Variants in IREB2 observed in about 807,000 individuals in gnomAD.
IREB2 encodes the protein iron responsive element binding protein 2.
A neutral mutation model predicts 118.8 loss-of-function variants in IREB2; 39 were observed. The observed-to-expected ratio is 0.33, with a 90% confidence interval of 0.25 to 0.43. IREB2 has a LOEUF of 0.43. Among genes scored for constraint, IREB2 ranks in the 20% least tolerant of loss-of-function variants. The pLI, the probability that IREB2 is intolerant of heterozygous loss-of-function variation, is 1.00. For synonymous variants in IREB2, 372 were observed against 392.2 expected, an observed-to-expected ratio of 0.95 and a Z score of 0.61; for missense variants, 900 against 1,147.3, an observed-to-expected ratio of 0.78 and a Z score of 3.11.
intron 5 of IREB2, among the ~76,000 whole-genome samples, chr15:78,470,036 CCTT>C (rs1233772038): frequency 4.6e-5 from 7 of 152,078 alleles, no homozygotes; most frequent in Non-Finnish European, 7.3e-5. Flanking sequence ...TAAAGTAGAG[CCTT>C]CTTTTGGTAT....
At chr15:78,452,298 A>G (rs1209021446) in intron 2 of IREB2, among the ~76,000 whole-genome samples, 1 of 152,156 alleles carries the variant, frequency 6.6e-6, no homozygotes, top group Non-Finnish European at 1.5e-5. Context: ...CAGAGGGGAA[A>G]TCACTGAGTT....
At chr15:78,485,000 A>G (rs1300874215) in intron 12 of IREB2, 80 bp downstream of exon 12, 43 of 1,322,014 alleles carry the variant, frequency 3.3e-5, no homozygotes, top group Non-Finnish European at 4.2e-5. Context: ...TTTGTTTCTT[A>G]GATGATGCAT....
intron 5 of IREB2, among the ~76,000 whole-genome samples, chr15:78,466,889 C>G (rs1283605045): frequency 6.6e-6 from 1 of 151,672 alleles, no homozygotes; most frequent in African/African-American, 2.4e-5. Context: ...TTTTTTCCTA[C>G]TAGGGGGTTT....
In IREB2 at chr15:78,494,244, G is replaced by A. The variant is rs1457848841; in HGVS notation, c.2575G>A (p.Ala859Thr). The change falls in exon 20 of 22, where the codon GCC becomes ACC. Residue 859 changes from alanine to threonine, a missense_variant. Ala to Thr is a moderately conservative substitution (Grantham distance 58). Transcript: ENST00000258886. Reference protein sequence around the residue: ...YGSGNSRDWAAKGPYLLGVKA... With the variant: ...YGSGNSRDWATKGPYLLGVKA... The stretch of plus-strand genomic sequence containing the variant: ...TTCAGGAAACTCCAGAGACTGGGCT[G>A]CCAAAGGACCGTATTTACTGGTATT... 6.8e-6 allele frequency: 11 copies of A among 1,613,666 alleles called. No individual in the cohort carries two copies. Among genetic ancestry groups the A allele is most frequent in the African/African-American group, 1.3e-5 (1 of 74,916 alleles).
intron 3 of IREB2, among the ~76,000 whole-genome samples, chr15:78,464,046 G>T: frequency 6.6e-6 from 1 of 152,130 alleles, no homozygotes; most frequent in Admixed American, 6.5e-5. Flanking sequence ...TATATCTTGT[G>T]TCCAATTATT....
In IREB2 at chr15:78,493,925, T is replaced by C. The variant is rs747404788; in HGVS notation, c.2341T>C (p.Phe781Leu). ...LTNRGLTPRE[F>L]NSYGARRGND... is the part of the protein sequence containing the mutation. Reference sequence around the variant, plus strand: ...TTCTTGTAGCCTTACCCCTCGTGAATTCAACTCTTACGGAGCTCGAAGAGG... The same window carrying C: ...TTCTTGTAGCCTTACCCCTCGTGAACTCAACTCTTACGGAGCTCGAAGAGG... The change falls in exon 19 of 22, where the codon TTC becomes CTC. Residue 781 changes from phenylalanine (F) to leucine (L), a missense_variant. Phe to Leu is a conservative substitution (Grantham distance 22). Coordinates refer to ENST00000258886, the MANE Select transcript of IREB2 (RefSeq NM_004136.4). 2 of 1,613,456 alleles carry C rather than the reference T, an allele frequency of 1.2e-6. No individual in the cohort carries two copies. The highest frequency in any genetic ancestry group is 1.7e-6 in the Non-Finnish European group (2 of 1,179,734).
intron 2 of IREB2, among the ~76,000 whole-genome samples, chr15:78,456,041 G>A (rs950497177): frequency 3.3e-5 from 5 of 151,756 alleles, no homozygotes; most frequent in African/African-American, 1.2e-4. Flanking sequence ...TCTAAGAGAG[G>A]AAGGTTGAAG....
chr15:78,443,877 C>A (rs957185376), intron 2 of IREB2, among the ~76,000 whole-genome samples: 16 of 152,058 alleles, frequency 1.1e-4, no homozygotes, highest in African/African-American at 3.9e-4. Flanking sequence ...AACTCCTGAC[C>A]TCAAGCAGTC....
At chr15:78,482,509 G>A (rs1213955844) in intron 10 of IREB2, among the ~76,000 whole-genome samples, 2 of 152,154 alleles carry the variant, frequency 1.3e-5, no homozygotes, top group South Asian at 2.1e-4. Context: ...GAAAAAGAAC[G>A]CTTTCTCTGC....
At chr15:78,483,926 A>C (rs1470900128) in intron 11 of IREB2, among the ~76,000 whole-genome samples, 1 of 151,892 alleles carries the variant, frequency 6.6e-6, no homozygotes, top group Non-Finnish European at 1.5e-5. Context: ...TTGGAATTAC[A>C]GGAGTCTACC....
chr15:78,459,951 G>C (rs2051170366), intron 2 of IREB2, among the ~76,000 whole-genome samples: 1 of 152,150 alleles, frequency 6.6e-6, no homozygotes, highest in African/African-American at 2.4e-5. Context: ...CAGTTAACTG[G>C]AAGTTAGAGC....
At chr15:78,470,461 T>C in intron 5 of IREB2, 71 bp from the exon 6 acceptor site, 1 of 912,808 alleles carries the variant, frequency 1.1e-6, no homozygotes. Context: ...CTAAGAACGA[T>C]GACTTAGAAA....
intron 2 of IREB2, among the ~76,000 whole-genome samples, chr15:78,459,789 G>A (rs141799613): frequency 2.0e-5 from 3 of 151,722 alleles, no homozygotes; most frequent in Non-Finnish European, 4.4e-5. Context: ...TAAGTTTCTT[G>A]TAATCTGTAA....
intron 1 of IREB2, among the ~76,000 whole-genome samples, chr15:78,439,077 T>C (rs1464589120): frequency 6.6e-6 from 1 of 152,158 alleles, no homozygotes; most frequent in African/African-American, 2.4e-5. Context: ...ACCTCAGGGC[T>C]GCCTCCCCGC....
intron 2 of IREB2, among the ~76,000 whole-genome samples, chr15:78,442,527 G>A (rs1003506186): frequency 6.6e-6 from 1 of 152,198 alleles, no homozygotes; most frequent in Non-Finnish European, 1.5e-5. Flanking sequence ...GATTAATGAA[G>A]GGAATGGATT....
intron 18 of IREB2, among the ~76,000 whole-genome samples, chr15:78,491,690 G>T: frequency 6.6e-6 from 1 of 152,012 alleles, no homozygotes; most frequent in Non-Finnish European, 1.5e-5. Flanking sequence ...TAGAGACAGG[G>T]TTTCACCATG....
At chr15:78,445,741 C>T (rs575319575) in intron 2 of IREB2, among the ~76,000 whole-genome samples, 2 of 152,262 alleles carry the variant, frequency 1.3e-5, no homozygotes, top group East Asian at 3.9e-4. Flanking sequence ...GATTACTAAC[C>T]GGTTAAGAGT....
intron 2 of IREB2, among the ~76,000 whole-genome samples, chr15:78,454,700 ATTAT>A (rs1052120352): frequency 6.6e-6 from 1 of 152,146 alleles, no homozygotes; most frequent in African/African-American, 2.4e-5. Flanking sequence ...GACTTGTTTT[ATTAT>A]TTATTTAGAG....
chr15:78,456,654 A>T (rs2051110547), intron 2 of IREB2, among the ~76,000 whole-genome samples: 5 of 150,742 alleles, frequency 3.3e-5, no homozygotes, highest in Admixed American at 2.6e-4. Context: ...TGACAGAGCA[A>T]GTCCTTATCT....
Sources: allele counts gnomAD v4.1 joint callset (sites outside exome capture counted in the v4.1 genomes callset), GRCh38; gene constraint gnomAD v4.1.1; transcripts MANE v1.5; gene names NCBI Gene and HGNC (gene_info 2026-07-23, HGNC 2026-07-21).